Variants in FHIT observed in about 807,000 individuals in gnomAD.
FHIT encodes fragile histidine triad diadenosine triphosphatase.
FHIT carries 19 observed loss-of-function variants against 17.9 expected under a neutral mutation model. That is an observed-to-expected ratio of 1.06 (90% CI 0.74 to 1.56). The LOEUF (loss-of-function observed/expected upper bound fraction) is 1.56, where lower values mean the gene tolerates loss of function less well. Among genes scored for constraint, FHIT ranks in the 40% most tolerant of loss-of-function variants. The pLI, the probability that FHIT is intolerant of heterozygous loss-of-function variation, is 0.00. For missense variants in FHIT, 248 were observed against 189.2 expected (o/e 1.31, Z -1.82); for synonymous variants, 81 against 69.7 (o/e 1.16, Z -0.81).
intron 8 of FHIT, among the ~76,000 whole-genome samples, chr3:59,786,594 A>G (rs942521649): frequency 6.6e-6 from 1 of 152,246 alleles, no homozygotes; most frequent in Non-Finnish European, 1.5e-5. Flanking sequence ...TGCATGCAGA[A>G]TGATGGAAAT....
chr3:60,123,985 T>TAC (rs1705386944), intron 5 of FHIT, among the ~76,000 whole-genome samples: 1 of 47,466 alleles, frequency 2.1e-5, no homozygotes, highest in African/African-American at 8.3e-5. Flanking sequence ...TATATATATA[T>TAC]ATATATATAT....
chr3:60,996,349 T>C (rs1327655737), intron 3 of FHIT, among the ~76,000 whole-genome samples: 1 of 152,206 alleles, frequency 6.6e-6, no homozygotes, highest in African/African-American at 2.4e-5. Flanking sequence ...TAAAATGGGA[T>C]GATGAAATGT....
intron 4 of FHIT, among the ~76,000 whole-genome samples, chr3:60,645,069 G>T (rs896478949): frequency 1.3e-5 from 2 of 151,880 alleles, no homozygotes; most frequent in African/African-American, 4.8e-5. Flanking sequence ...GGTGGCCAGG[G>T]ATCCCCCATC....
intron 5 of FHIT, among the ~76,000 whole-genome samples, chr3:60,334,560 G>A (rs1710143406): frequency 6.6e-6 from 1 of 152,208 alleles, no homozygotes; most frequent in African/African-American, 2.4e-5. Flanking sequence ...GCCAAGGCAG[G>A]TGGATCATCG....
At chr3:60,568,376 G>A (rs547774454) in intron 4 of FHIT, among the ~76,000 whole-genome samples, 53 of 151,800 alleles carry the variant, frequency 3.5e-4, no homozygotes, top group African/African-American at 8.9e-4. Flanking sequence ...CAAATACCGC[G>A]TGTTCTCACT....
intron 4 of FHIT, among the ~76,000 whole-genome samples, chr3:60,741,384 A>C (rs1223866440): frequency 1.3e-5 from 2 of 152,224 alleles, no homozygotes; most frequent in Non-Finnish European, 2.9e-5. Flanking sequence ...AGCTGTCAGC[A>C]CGTTGCCTGA....
chr3:60,149,628 T>C (rs1191226090), intron 5 of FHIT, among the ~76,000 whole-genome samples: 1 of 152,078 alleles, frequency 6.6e-6, no homozygotes, highest in Non-Finnish European at 1.5e-5. Context: ...CCATAGCCCC[T>C]TTCCTCCTCC....
At chr3:60,112,275 G>A (rs910861234) in intron 5 of FHIT, among the ~76,000 whole-genome samples, 1 of 152,144 alleles carries the variant, frequency 6.6e-6, no homozygotes, top group Non-Finnish European at 1.5e-5. Context: ...TTGACCTCAT[G>A]GAACTTGTAA....
chr3:61,213,660 T>C (rs1022693075), intron 1 of FHIT, among the ~76,000 whole-genome samples: 9 of 152,192 alleles, frequency 5.9e-5, no homozygotes, highest in African/African-American at 1.2e-4. Context: ...GCAGACCTAA[T>C]AGACATCTAC....
At chr3:60,425,782 T>C (rs1239699315) in intron 5 of FHIT, among the ~76,000 whole-genome samples, 1 of 146,860 alleles carries the variant, frequency 6.8e-6, no homozygotes, top group Non-Finnish European at 1.5e-5. Flanking sequence ...ATTAATTTTA[T>C]AATCAATAGA....
intron 4 of FHIT, among the ~76,000 whole-genome samples, chr3:60,811,777 A>T (rs552239377): frequency 6.6e-5 from 10 of 152,284 alleles, no homozygotes; most frequent in South Asian, 6.2e-4. Context: ...CCTTCTAGTT[A>T]CGAGGAAAAA....
chr3:61,053,925 G>T (rs1181693629), intron 2 of FHIT, among the ~76,000 whole-genome samples: 1 of 152,188 alleles, frequency 6.6e-6, no homozygotes, highest in Non-Finnish European at 1.5e-5. Flanking sequence ...ACTGTGGGCA[G>T]TGAGCATAAT....
chr3:60,887,784 G>A (rs2107157918), intron 3 of FHIT, among the ~76,000 whole-genome samples: 1 of 152,302 alleles, frequency 6.6e-6, no homozygotes, highest in Non-Finnish European at 1.5e-5. Context: ...CAGGAATTTG[G>A]TGTGGGGGAC....
At chr3:60,343,841 C>A (rs959490440) in intron 5 of FHIT, among the ~76,000 whole-genome samples, 2 of 152,174 alleles carry the variant, frequency 1.3e-5, no homozygotes, top group East Asian at 3.8e-4. Context: ...AAACTAACTT[C>A]TTTCCCAACA....
chr3:60,283,447 T>C (rs143772083), intron 5 of FHIT, among the ~76,000 whole-genome samples: 87 of 152,228 alleles, frequency 5.7e-4, no homozygotes, highest in African/African-American at 2.0e-3. Context: ...TTCTAAAATA[T>C]GTAATTCAAT....
At chr3:60,984,655 A>G (rs1480968250) in intron 3 of FHIT, among the ~76,000 whole-genome samples, 1 of 152,226 alleles carries the variant, frequency 6.6e-6, no homozygotes, top group African/African-American at 2.4e-5. Context: ...TCCAAACTAA[A>G]GGATAGAACC....
chr3:60,156,731 A>G (rs1026498662), intron 5 of FHIT, among the ~76,000 whole-genome samples: 2 of 152,178 alleles, frequency 1.3e-5, no homozygotes, highest in Admixed American at 1.3e-4. Context: ...CACCTGGGCA[A>G]TGGAGTGAGA....
intron 2 of FHIT, among the ~76,000 whole-genome samples, chr3:61,200,364 T>C (rs2038975423): frequency 6.6e-6 from 1 of 152,234 alleles, no homozygotes; most frequent in African/African-American, 2.4e-5. Flanking sequence ...TGGAATGTCT[T>C]AGCTGCTGAG....
At chr3:59,767,062 GT>G (rs1335729968) in intron 8 of FHIT, among the ~76,000 whole-genome samples, 42 of 152,116 alleles carry the variant, frequency 2.8e-4, no homozygotes, top group Non-Finnish European at 5.4e-4. Context: ...CCGATTAACT[GT>G]TCTTTCACAT....
Sources: allele counts gnomAD v4.1 joint callset (sites outside exome capture counted in the v4.1 genomes callset), GRCh38; gene constraint gnomAD v4.1.1; transcripts MANE v1.5; gene names NCBI Gene and HGNC (gene_info 2026-07-23, HGNC 2026-07-21).